The following KPNA6 variants were observed in gnomAD, a reference collection of about 807,000 sequenced individuals.
The protein encoded by KPNA6 is karyopherin subunit alpha 6, also known as importin subunit alpha-7.
In KPNA6, 9 loss-of-function variants were observed where a neutral mutation model predicts 72.0. The observed-to-expected ratio is 0.13, with a 90% CI of 0.08 to 0.22. The LOEUF (loss-of-function observed/expected upper bound fraction) is 0.22. KPNA6 is among the 10% of genes least tolerant of loss of function. The pLI is 1.00. For missense variants in KPNA6, 374 were observed against 655.7 expected (o/e 0.57, Z 4.69); for synonymous variants, 219 against 242.1 (o/e 0.90, Z 0.89).
chr1:32,113,454 GT>G (rs1024207876), intron 1 of KPNA6, among the ~76,000 whole-genome samples: 5 of 151,574 alleles, frequency 3.3e-5, no homozygotes, highest in African/African-American at 1.2e-4. Context: ...ATGTATATAT[GT>G]TTTTTTTATT....
rs781399020 is a variant in KPNA6 at position 32,174,313 on chromosome 1, T to G, written c.*3419T>G. Reference sequence around the variant, plus strand: ...TTTTGGAGCTGAACTGCACAGATTATAGCTGCTATTGTACTTAAATAAGGG... The same window carrying G: ...TTTTGGAGCTGAACTGCACAGATTAGAGCTGCTATTGTACTTAAATAAGGG... On this transcript the variant is annotated 3_prime_UTR_variant, in exon 14 of 14. Coordinates refer to ENST00000373625, the MANE Select transcript of KPNA6 (RefSeq NM_012316.5). The G allele has an allele frequency of 1.3e-5, 2 of 152,264 alleles. No individual in the cohort carries two copies. The highest frequency in any genetic ancestry group is 2.9e-5 in the Non-Finnish European group (2 of 68,076). 9.4% of individuals were successfully genotyped at this position (152,264 alleles called of 1,614,324 possible).
Position 32,162,170 on chromosome 1 carries a change from G to A in KPNA6, c.747+124G>A, listed in dbSNP as rs1642249345. On this transcript the variant is annotated intron_variant, in intron 8 of 13. Coordinates refer to ENST00000373625, the MANE Select transcript of KPNA6 (RefSeq NM_012316.5). ...ACTGAAAGAAGCAATTGTTAGTGAAGTAGATGATCTTGTGTACCTGGATAG... is the reference window on the plus strand; with the variant it reads ...ACTGAAAGAAGCAATTGTTAGTGAAATAGATGATCTTGTGTACCTGGATAG... 2.5e-5 allele frequency: 23 copies of A among 927,012 alleles called. No homozygotes were observed. The South Asian group carries it at 3.4e-4, about 14-fold the overall frequency. 57.4% of individuals were successfully genotyped at this position (927,012 alleles called of 1,614,324 possible). A position where few individuals can be genotyped will look rare whatever the true frequency, so the allele number is the denominator to read the frequency against.
Position 32,147,095 on chromosome 1 carries a change from A to G in KPNA6, c.5-7493A>G, listed in dbSNP as rs1210583610. Among the ~76,000 whole-genome samples, 9 of 152,066 alleles carry G rather than the reference A, an allele frequency of 5.9e-5. No individual in the cohort carries two copies. The East Asian group carries it at 1.7e-3, about 29-fold the overall frequency. ...ACTGGTCTCGAACTCGGCTCATGTG[A>G]TCCTCCTGCCTCAGCCTCCCAAGTG... is the stretch of plus-strand genomic sequence containing the variant. On this transcript the variant is annotated intron_variant, in intron 1 of 13. Transcript: ENST00000373625.
At chr1:32,110,994 C>T (rs545096962) in intron 1 of KPNA6, among the ~76,000 whole-genome samples, 22 of 152,300 alleles carry the variant, frequency 1.4e-4, no homozygotes, top group Non-Finnish European at 2.6e-4. Context: ...GTTCCTTTCC[C>T]TTAAGCACTC....
At chr1:32,168,418 G>A (rs1014261169) in intron 12 of KPNA6, among the ~76,000 whole-genome samples, 1 of 152,170 alleles carries the variant, frequency 6.6e-6, no homozygotes, top group African/African-American at 2.4e-5. Flanking sequence ...TTGAACTCCT[G>A]ATGTCAGATG....
At position 32,174,454 on chromosome 1, in the gene KPNA6, C is replaced by G. The variant is rs568729003; in HGVS notation, c.*3560C>G. 6.6e-6 allele frequency: 1 copy of G among 152,358 alleles called. No individual in the cohort carries two copies. The highest frequency in any genetic ancestry group is 1.9e-4 in the East Asian group (1 of 5,194). 9.4% of individuals were successfully genotyped at this position (152,358 alleles called of 1,614,324 possible). ...TTCTTCATGTCTACCTGCCTTCCCC[C>G]CACACCCTAAAGTTGTACTTGTTTC... On this transcript the variant is annotated 3_prime_UTR_variant, in exon 14 of 14. Coordinates refer to ENST00000373625, the MANE Select transcript of KPNA6 (RefSeq NM_012316.5).
intron 1 of KPNA6, among the ~76,000 whole-genome samples, chr1:32,149,759 GTC>G (rs1486382973): frequency 2.6e-5 from 4 of 152,162 alleles, no homozygotes; most frequent in South Asian, 4.1e-4. Flanking sequence ...TAGAGAAAAA[GTC>G]TCTCAGCTTT....
chr1:32,108,247 G>T, intron 1 of KPNA6, 113 bp downstream of exon 1: 1 of 1,459,538 alleles, frequency 6.9e-7, no homozygotes, highest in South Asian at 1.2e-5. Flanking sequence ...CCTCTAGCTA[G>T]GTCTGAGGGG....
At position 32,128,411 on chromosome 1, in the gene KPNA6, A is replaced by G. The variant is rs1304880068; in HGVS notation, c.4+20277A>G. Among the ~76,000 whole-genome samples the G allele has an allele frequency of 1.5e-5, 2 of 132,290 alleles. 1 individual carries two copies. The highest frequency in any genetic ancestry group is 5.8e-5 in the African/African-American group (2 of 34,674). The allele number at this position is 132,290 out of a possible 152,430, so 86.8% of individuals were successfully genotyped here. A position where few individuals can be genotyped will look rare whatever the true frequency, so the allele number is the denominator to read the frequency against. ...TTTATATATATATATATATATATAT[A>G]TATATATATATATATACACACACAC... On this transcript the variant is annotated intron_variant, in intron 1 of 13. Coordinates refer to ENST00000373625, the MANE Select transcript of KPNA6 (RefSeq NM_012316.5).
intron 1 of KPNA6, among the ~76,000 whole-genome samples, chr1:32,146,228 G>T (rs1339015680): frequency 6.6e-6 from 1 of 152,134 alleles, no homozygotes; most frequent in Non-Finnish European, 1.5e-5. Context: ...GGCCACAGTT[G>T]GTGGGGACAA....
intron 1 of KPNA6, among the ~76,000 whole-genome samples, chr1:32,129,372 C>T (rs1641596813): frequency 6.6e-6 from 1 of 151,752 alleles, no homozygotes; most frequent in South Asian, 2.1e-4. Context: ...CGCCATGTTG[C>T]CCAGGCTGGT....
intron 1 of KPNA6, among the ~76,000 whole-genome samples, chr1:32,147,365 C>A (rs990409356): frequency 1.3e-5 from 2 of 152,148 alleles, no homozygotes; most frequent in Admixed American, 1.3e-4. Flanking sequence ...AATCACAAGT[C>A]ACTGCAGCAT....
Position 32,173,011 on chromosome 1 carries a change from C to A in KPNA6, c.*2117C>A, listed in dbSNP as rs1375293943. ...GGATGGTTTAGGTCTGGCAATTGTC[C>A]TTGAAAAATCCCACCCATGTTGTAC... On this transcript the variant is annotated 3_prime_UTR_variant, in exon 14 of 14. Transcript: ENST00000373625. 3 of 398,142 alleles carry A rather than the reference C, an allele frequency of 7.5e-6. No individual in the cohort carries two copies. Among genetic ancestry groups the A allele is most frequent in the Non-Finnish European group, 1.3e-5 (3 of 226,004 alleles). The allele number at this position is 398,142 out of a possible 1,614,324, so 24.7% of individuals were successfully genotyped here. A position where few individuals can be genotyped will look rare whatever the true frequency, so the allele number is the denominator to read the frequency against.
intron 1 of KPNA6, among the ~76,000 whole-genome samples, chr1:32,132,834 C>T (rs557442733): frequency 7.7e-4 from 117 of 152,146 alleles, no homozygotes; most frequent in Middle Eastern, 3.4e-3. Context: ...ACCTGGGAGG[C>T]GGAGCTTGCA....
At chr1:32,139,988 A>G (rs1641809623) in intron 1 of KPNA6, among the ~76,000 whole-genome samples, 1 of 152,214 alleles carries the variant, frequency 6.6e-6, no homozygotes, top group Non-Finnish European at 1.5e-5. Context: ...TTGGGGAGAA[A>G]AACCCAGATA....
chr1:32,148,563 T>C (rs1345009971), intron 1 of KPNA6, among the ~76,000 whole-genome samples: 2 of 151,122 alleles, frequency 1.3e-5, no homozygotes, highest in South Asian at 2.1e-4. Flanking sequence ...TGGTCTTTTT[T>C]TTTTTTCTTT....
intron 1 of KPNA6, among the ~76,000 whole-genome samples, chr1:32,124,538 G>T (rs1224501844): frequency 1.4e-5 from 2 of 142,436 alleles, no homozygotes; most frequent in East Asian, 2.1e-4. Flanking sequence ...ACAGTCTCTC[G>T]CTCTGTTGCC....
chr1:32,150,127 C>CTTTTTTTTTT lies in KPNA6; in HGVS notation c.5-4447_5-4438dup, dbSNP rs35179721. Among the ~76,000 whole-genome samples the CTTTTTTTTTT allele has an allele frequency of 3.3e-3, 291 of 87,044 alleles. 11 individuals are homozygous for CTTTTTTTTTT. The highest frequency in any genetic ancestry group is 8.5e-3 in the Middle Eastern group (1 of 118). 57.1% of individuals were successfully genotyped at this position (87,044 alleles called of 152,430 possible). ...GGATTAGATCTGGAAAATTTTTAGT[C>CTTTTTTTTTT]TTTTTTTTTTTTTTTTTTTTTTTGA... On this transcript the variant is annotated intron_variant, in intron 1 of 13. Coordinates refer to ENST00000373625, the MANE Select transcript of KPNA6 (RefSeq NM_012316.5).
At chr1:32,158,181 G>A (rs1642176791) in intron 4 of KPNA6, 86 bp from the exon 5 acceptor site, 1 of 821,722 alleles carries the variant, frequency 1.2e-6, no homozygotes, top group Admixed American at 2.1e-5. Context: ...GGTCAGAAGT[G>A]TCTAAGAAGG....
Sources: allele counts gnomAD v4.1 joint callset (sites outside exome capture counted in the v4.1 genomes callset), GRCh38; gene constraint gnomAD v4.1.1; transcripts MANE v1.5; gene names NCBI Gene and HGNC (gene_info 2026-07-23, HGNC 2026-07-21).